CFAP44: variants seen among roughly 807,000 people sequenced by gnomAD.
CFAP44 encodes the protein cilia and flagella associated protein 44.
A neutral mutation model predicts 216.2 loss-of-function variants in CFAP44; 134 were observed. The observed-to-expected ratio is 0.62, with a 90% confidence interval of 0.54 to 0.72. The LOEUF is 0.72. CFAP44 is among the 30% of genes least tolerant of loss of function. CFAP44 has a pLI of 0.00. For synonymous variants in CFAP44, 700 were observed against 727.6 expected, an observed-to-expected ratio of 0.96 and a Z score of 0.61; for missense variants, 2,035 against 2,182.1, an observed-to-expected ratio of 0.93 and a Z score of 1.34.
rs1043125251 is a variant in CFAP44 at position 113,291,408 on chromosome 3, T to G, written c.*149A>C. ...CTAAGATAACCAAATTGTAGAGAGA[T>G]TCTTAAAGTGACTTAACGTGACTGG... On this transcript the variant is annotated 3_prime_UTR_variant, in exon 35 of 35. Transcript: ENST00000393845. 1.1e-5 allele frequency: 10 copies of G among 897,532 alleles called. No homozygotes were observed. Among genetic ancestry groups the G allele is most frequent in the African/African-American group, 3.4e-5 (2 of 59,388 alleles). The allele number at this position is 897,532 out of a possible 1,614,324, so 55.6% of individuals were successfully genotyped here.
Position 113,341,729 on chromosome 3 carries a change from T to TAAA in CFAP44, c.3437+12_3437+14dup. On this transcript the variant is annotated intron_variant, in intron 24 of 34. Coordinates refer to ENST00000393845, the MANE Select transcript of CFAP44 (RefSeq NM_001164496.2). ...CATATTAAAAAGATAAGAGTTTAGGTAAAAAAAAACTCACAGTTCCTCCCA... is the reference window on the plus strand; with the variant it reads ...CATATTAAAAAGATAAGAGTTTAGGTAAAAAAAAAAAACTCACAGTTCCTCCCA... 6.9e-7 allele frequency: 1 copy of TAAA among 1,455,016 alleles called. No homozygotes were observed. Among genetic ancestry groups the TAAA allele is most frequent in the Admixed American group, 3.0e-5 (1 of 33,870 alleles). 90.1% of individuals were successfully genotyped at this position (1,455,016 alleles called of 1,614,324 possible). A position where few individuals can be genotyped will look rare whatever the true frequency, so the allele number is the denominator to read the frequency against.
intron 24 of CFAP44, among the ~76,000 whole-genome samples, 185 bp downstream of exon 24, chr3:113,341,559 C>G (rs1950333613): frequency 6.6e-6 from 1 of 152,158 alleles, no homozygotes; most frequent in Non-Finnish European, 1.5e-5. Flanking sequence ...TACAGAAGTT[C>G]TACCAAAGTA....
intron 6 of CFAP44, 45 bp downstream of exon 6, chr3:113,416,480 T>C (rs777902133): frequency 7.0e-7 from 1 of 1,431,652 alleles, no homozygotes; most frequent in Non-Finnish European, 9.7e-7. Context: ...TTCAGAATGT[T>C]GTTATCCTTG....
Position 113,287,718 on chromosome 3 carries a change from A to C in CFAP44, c.*3839T>G, listed in dbSNP as rs1040766523. On this transcript the variant is annotated 3_prime_UTR_variant, in exon 35 of 35. Transcript: ENST00000393845. ...AAACAGGTTCATAGTTCTCTTACCA[A>C]CTGGACTTGAGATGAAGTTTAGGTC... 1.3e-5 allele frequency: 2 copies of C among 152,242 alleles called. No individual in the cohort carries two copies. Among genetic ancestry groups the C allele is most frequent in the African/African-American group, 2.4e-5 (1 of 41,458 alleles). The allele number at this position is 152,242 out of a possible 1,614,324, so 9.4% of individuals were successfully genotyped here. A position where few individuals can be genotyped will look rare whatever the true frequency, so the allele number is the denominator to read the frequency against.
Position 113,294,825 on chromosome 3 carries a change from C to G in CFAP44, c.5239-4G>C. 1 of 1,525,000 alleles carries G rather than the reference C, an allele frequency of 6.6e-7. No homozygotes were observed. Among genetic ancestry groups the G allele is most frequent in the South Asian group, 1.2e-5 (1 of 80,672 alleles). The allele number at this position is 1,525,000 out of a possible 1,614,324, so 94.5% of individuals were successfully genotyped here. On this transcript the variant is annotated splice_polypyrimidine_tract_variant and splice_region_variant and intron_variant, in intron 33 of 34. Coordinates refer to ENST00000393845, the MANE Select transcript of CFAP44 (RefSeq NM_001164496.2). ...ATCGCATTTGAGCAATCTTTTCCTA[C>G]CAGGGTGGGAAGATGCAAAATAGAT...
chr3:113,337,350 G>T lies in CFAP44; in HGVS notation c.3438-3767C>A, dbSNP rs1051164532. Among the ~76,000 whole-genome samples the T allele has an allele frequency of 3.9e-5, 6 of 151,900 alleles. No homozygotes were observed. In the East Asian group the frequency reaches 5.8e-4, roughly 15 times the overall value. ...GTCATACCATGTCCATGGATTAGAA[G>T]ACTCAACACAATAAAGATACAAATT... On this transcript the variant is annotated intron_variant, in intron 24 of 34. Transcript: ENST00000393845.
chr3:113,295,769 T>C (rs928048681), intron 33 of CFAP44, among the ~76,000 whole-genome samples: 1 of 152,238 alleles, frequency 6.6e-6, no homozygotes, highest in Non-Finnish European at 1.5e-5. Flanking sequence ...AAACAGTCTA[T>C]GCCTTGTTAC....
At chr3:113,427,091 C>A (rs1479445230) in intron 3 of CFAP44, 96 bp downstream of exon 3, 2 of 1,308,042 alleles carry the variant, frequency 1.5e-6, no homozygotes, top group Non-Finnish European at 2.2e-6. Flanking sequence ...GTACATCCTG[C>A]ACATTTTTCT....
chr3:113,294,904 T>C, intron 33 of CFAP44, 83 bp from the exon 34 acceptor site: 1 of 1,417,736 alleles, frequency 7.1e-7, no homozygotes, highest in Non-Finnish European at 9.2e-7. Flanking sequence ...TTGGTCAAAA[T>C]CATCAGGCAA....
chr3:113,341,317 C>G (rs1184521816), intron 24 of CFAP44, among the ~76,000 whole-genome samples: 1 of 152,124 alleles, frequency 6.6e-6, no homozygotes, highest in Non-Finnish European at 1.5e-5. Context: ...CCACTCCTTT[C>G]CCTTCCCAGC....
chr3:113,352,042 G>C (rs1318123226), intron 22 of CFAP44, among the ~76,000 whole-genome samples: 5 of 152,166 alleles, frequency 3.3e-5, no homozygotes, highest in Non-Finnish European at 4.4e-5. Flanking sequence ...CCCAACAGCA[G>C]TTGGGGTGTC....
intron 27 of CFAP44, 47 bp downstream of exon 27, chr3:113,327,568 TC>T: frequency 6.8e-7 from 1 of 1,474,514 alleles, no homozygotes; most frequent in East Asian, 2.5e-5. Context: ...ATCAAGTTTC[TC>T]CATAACTAAG....
intron 4 of CFAP44, among the ~76,000 whole-genome samples, 185 bp from the exon 5 acceptor site, chr3:113,420,364 A>G (rs1934781109): frequency 6.6e-6 from 1 of 152,196 alleles, no homozygotes; most frequent in Admixed American, 6.5e-5. Flanking sequence ...AAATTAGGTG[A>G]GAAAAAAAAG....
intron 28 of CFAP44, 69 bp from the exon 29 acceptor site, chr3:113,308,337 TAAACTA>T: frequency 8.1e-7 from 1 of 1,240,298 alleles, no homozygotes; most frequent in Non-Finnish European, 1.1e-6. Context: ...ATTTTTAAAG[TAAACTA>T]TTTTTCAATG....
At chr3:113,437,465 G>A (rs1159777499) in intron 1 of CFAP44, among the ~76,000 whole-genome samples, 1 of 152,186 alleles carries the variant, frequency 6.6e-6, no homozygotes, top group African/African-American at 2.4e-5. Context: ...CAAGACGAAA[G>A]CACCACACTT....
intron 24 of CFAP44, among the ~76,000 whole-genome samples, chr3:113,339,569 T>A (rs1950311721): frequency 6.6e-6 from 1 of 152,290 alleles, no homozygotes; most frequent in East Asian, 1.9e-4. Context: ...TGAAGCATGG[T>A]CTCCTTCCAT....
At chr3:113,416,995 G>C (rs916547545) in intron 5 of CFAP44, among the ~76,000 whole-genome samples, 1 of 152,058 alleles carries the variant, frequency 6.6e-6, no homozygotes, top group Non-Finnish European at 1.5e-5. Flanking sequence ...TGTCAGGCTG[G>C]GACTCAAGAA....
At chr3:113,404,571 T>G (rs931051089) in intron 8 of CFAP44, among the ~76,000 whole-genome samples, 2 of 152,222 alleles carry the variant, frequency 1.3e-5, no homozygotes, top group Non-Finnish European at 2.9e-5. Context: ...TAATATTTAT[T>G]GAGTACTGAC....
chr3:113,413,919 G>T (rs1353992054), intron 6 of CFAP44, among the ~76,000 whole-genome samples: 1 of 152,152 alleles, frequency 6.6e-6, no homozygotes, highest in African/African-American at 2.4e-5. Flanking sequence ...AGTTTGATGG[G>T]AATAGCATTG....
Sources: allele counts gnomAD v4.1 joint callset (sites outside exome capture counted in the v4.1 genomes callset), GRCh38; gene constraint gnomAD v4.1.1; transcripts MANE v1.5; gene names NCBI Gene and HGNC (gene_info 2026-07-23, HGNC 2026-07-21).